The following TMEM266 variants were observed in gnomAD, a reference collection of about 807,000 sequenced individuals.
TMEM266 encodes the protein transmembrane protein 266, also known as Hv1 related protein 1.
A neutral mutation model predicts 50.5 loss-of-function variants in TMEM266; 33 were observed. The observed-to-expected ratio is 0.65, with a 90% CI of 0.50 to 0.87. TMEM266 has a LOEUF of 0.87. TMEM266 is among the 40% of genes least tolerant of loss of function. The pLI is 0.00. For missense variants in TMEM266, 655 were observed against 695.1 expected, an observed-to-expected ratio of 0.94 and a Z score of 0.65; for synonymous variants, 310 against 292.3, an observed-to-expected ratio of 1.06 and a Z score of -0.62.
intron 8 of TMEM266, among the ~76,000 whole-genome samples, chr15:76,183,676 C>T (rs950406822): frequency 6.6e-6 from 1 of 152,232 alleles, no homozygotes. Context: ...GGGCTCACAA[C>T]ATTCCCTACC....
At chr15:76,126,920 G>C (rs1407240681) in intron 1 of TMEM266, among the ~76,000 whole-genome samples, 1 of 152,132 alleles carries the variant, frequency 6.6e-6, no homozygotes, top group East Asian at 1.9e-4. Flanking sequence ...GGGGCAGGTG[G>C]TGAGGGAGAA....
intron 8 of TMEM266, among the ~76,000 whole-genome samples, chr15:76,190,954 C>T (rs961896815): frequency 6.6e-5 from 10 of 152,196 alleles, no homozygotes; most frequent in Non-Finnish European, 1.2e-4. Flanking sequence ...GAAGGCTCTC[C>T]TTCCCGCGAG....
intron 1 of TMEM266, among the ~76,000 whole-genome samples, chr15:76,091,067 G>GA (rs2141997983): frequency 6.6e-6 from 1 of 152,102 alleles, no homozygotes; most frequent in South Asian, 2.1e-4. Flanking sequence ...AAATAAAAGG[G>GA]AAAAAAGTGT....
chr15:76,162,127 A>G (rs1472614632), intron 5 of TMEM266, among the ~76,000 whole-genome samples: 2 of 152,156 alleles, frequency 1.3e-5, no homozygotes, highest in African/African-American at 4.8e-5. Context: ...GGGTCCTCCC[A>G]CAGCTGAGCG....
intron 8 of TMEM266, among the ~76,000 whole-genome samples, chr15:76,176,682 A>T (rs748363895): frequency 6.6e-6 from 1 of 152,178 alleles, no homozygotes. Flanking sequence ...CTTCCAGCCC[A>T]TGTCCTGCCA....
chr15:76,160,190 G>C lies in TMEM266; in HGVS notation c.456+22G>C, dbSNP rs376905291. On this transcript the variant is annotated intron_variant, in intron 5 of 10. Transcript: ENST00000388942. The surrounding 1 kb of genome is among the most constrained non-coding windows in gnomAD (Gnocchi z 5.7). ...AGAGGTAGGTGGAGACTCTGGCCCT[G>C]TCACCTCCTCTGTTGGGTGACTCCT... The C allele has an allele frequency of 6.2e-7, 1 of 1,605,874 alleles. No individual in the cohort carries two copies. The highest frequency in any genetic ancestry group is 1.3e-5 in the African/African-American group (1 of 74,722).
chr15:76,137,159 T>C (rs1372020042), intron 2 of TMEM266, among the ~76,000 whole-genome samples: 1 of 152,194 alleles, frequency 6.6e-6, no homozygotes, highest in Non-Finnish European at 1.5e-5. Flanking sequence ...TGGAGCCTCC[T>C]GTCCTCACCA....
chr15:76,194,708 T>G (rs2038629438), intron 9 of TMEM266, among the ~76,000 whole-genome samples: 1 of 152,184 alleles, frequency 6.6e-6, no homozygotes, highest in Non-Finnish European at 1.5e-5. Context: ...TGGCTTACAG[T>G]AGCATCACCC....
At chr15:76,184,070 G>T (rs2038459642) in intron 8 of TMEM266, among the ~76,000 whole-genome samples, 1 of 152,202 alleles carries the variant, frequency 6.6e-6, no homozygotes, top group Non-Finnish European at 1.5e-5. Flanking sequence ...GCTCAGAAAA[G>T]GGGCCAAAGG....
At chr15:76,151,588 A>C (rs573419592) in intron 3 of TMEM266, among the ~76,000 whole-genome samples, 1 of 152,074 alleles carries the variant, frequency 6.6e-6, no homozygotes, top group East Asian at 1.9e-4. Flanking sequence ...CCCCACACAC[A>C]TAGCCTGCCT....
At position 76,191,832 on chromosome 15, in the gene TMEM266, A is replaced by C. The variant is rs144322292; in HGVS notation, c.769-136A>C. The C allele has an allele frequency of 8.2e-3, 6,416 of 782,352 alleles. 38 individuals are homozygous for C. The highest frequency in any genetic ancestry group is 0.016 in the South Asian group (768 of 47,694). 48.5% of individuals were successfully genotyped at this position (782,352 alleles called of 1,614,324 possible). ...CCGCGATGCTGGGAGATTCCTAAGG[A>C]ATCATCCAGCTGCGGGAGGCTCAGC... is the stretch of plus-strand genomic sequence containing the variant. On this transcript the variant is annotated intron_variant, in intron 8 of 10. Coordinates refer to ENST00000388942, the MANE Select transcript of TMEM266 (RefSeq NM_152335.3).
At chr15:76,142,629 TG>T (rs1329564406) in intron 3 of TMEM266, among the ~76,000 whole-genome samples, 1 of 152,148 alleles carries the variant, frequency 6.6e-6, no homozygotes, top group African/African-American at 2.4e-5. Flanking sequence ...GCCTTCCTAA[TG>T]GGTGTGAGGT....
At chr15:76,169,668 G>A (rs1055453155) in intron 5 of TMEM266, 148 bp from the exon 6 acceptor site, 2 of 882,102 alleles carry the variant, frequency 2.3e-6, no homozygotes, top group South Asian at 3.1e-5. Context: ...GAGTGGAGAG[G>A]GCACAGGGGC....
chr15:76,153,691 G>A lies in TMEM266; in HGVS notation c.228-2913G>A, dbSNP rs942532581. Among the ~76,000 whole-genome samples, 1 of 152,100 alleles carries A rather than the reference G, an allele frequency of 6.6e-6. No individual in the cohort carries two copies. The highest frequency in any genetic ancestry group is 1.5e-5 in the Non-Finnish European group (1 of 68,016). ...GCTGGGTGTGAACTTGGGGTGAGAG[G>A]TGTGAAGGATGAAAATGGGGCTGGC... is the stretch of plus-strand genomic sequence containing the variant. On this transcript the variant is annotated intron_variant, in intron 3 of 10. Transcript: ENST00000388942. The surrounding 1 kb of genome is among the most constrained non-coding windows in gnomAD (Gnocchi z 4.2).
At chr15:76,196,997 G>A (rs2038666102) in intron 9 of TMEM266, among the ~76,000 whole-genome samples, 1 of 152,134 alleles carries the variant, frequency 6.6e-6, no homozygotes, top group South Asian at 2.1e-4. Flanking sequence ...GGAGTGCCAC[G>A]GATTTCACCA....
chr15:76,070,692 T>C (rs1052475948), intron 1 of TMEM266, among the ~76,000 whole-genome samples: 17 of 152,202 alleles, frequency 1.1e-4, no homozygotes, highest in African/African-American at 4.1e-4. Flanking sequence ...TTATTAAGGA[T>C]TCAAAGTTCT....
At chr15:76,092,449 G>T (rs1447324844) in intron 1 of TMEM266, among the ~76,000 whole-genome samples, 2 of 152,006 alleles carry the variant, frequency 1.3e-5, no homozygotes, top group Non-Finnish European at 1.5e-5. Flanking sequence ...CAGCACTTTG[G>T]GAGGCCGAGG....
intron 8 of TMEM266, among the ~76,000 whole-genome samples, chr15:76,179,713 T>C (rs924519134): frequency 3.9e-5 from 6 of 152,174 alleles, no homozygotes; most frequent in Non-Finnish European, 8.8e-5. Flanking sequence ...CAGAGTATAA[T>C]GAAGACATTT....
intron 9 of TMEM266, among the ~76,000 whole-genome samples, chr15:76,194,330 C>G (rs1448794837): frequency 1.3e-5 from 2 of 152,236 alleles, no homozygotes; most frequent in South Asian, 2.1e-4. Context: ...TCATCTTCAT[C>G]GTTCAGCCTT....
Sources: allele counts gnomAD v4.1 joint callset (sites outside exome capture counted in the v4.1 genomes callset), GRCh38; gene constraint gnomAD v4.1.1; non-coding constraint Gnocchi (gnomAD v3.1); transcripts MANE v1.5; gene names NCBI Gene and HGNC (gene_info 2026-07-23, HGNC 2026-07-21).